The following SAMTOR variants were observed in gnomAD, a reference collection of about 807,000 sequenced individuals.
SAMTOR encodes S-adenosylmethionine sensor upstream of mTORC1.
At chr7:112,834,565 G>A in the SAMTOR span, among the ~76,000 whole-genome samples, 10 of 152,186 alleles carry the variant, frequency 6.6e-5, no homozygotes, top group East Asian at 7.7e-4. Flanking sequence ...TTTAAATTGC[G>A]TGACATTCTG....
the SAMTOR span, among the ~76,000 whole-genome samples, chr7:112,860,861 G>A: frequency 0.013 from 1,800 of 142,368 alleles, 40 homozygotes; most frequent in African/African-American, 0.045. Context: ...GCAGTGAGCC[G>A]AGATTATGCC....
chr7:112,841,302 G>A, the SAMTOR span, among the ~76,000 whole-genome samples: 8 of 151,994 alleles, frequency 5.3e-5, no homozygotes, highest in Admixed American at 3.9e-4. Context: ...CAAACAGAAA[G>A]CCAAATCATG....
the SAMTOR span, among the ~76,000 whole-genome samples, chr7:112,839,935 A>T: frequency 6.6e-6 from 1 of 151,868 alleles, no homozygotes; most frequent in Non-Finnish European, 1.5e-5. Flanking sequence ...TATCTCTCAT[A>T]AGAGCATAAA....
chr7:112,939,841 G>A, the SAMTOR span: 64 of 1,025,870 alleles, frequency 6.2e-5, no homozygotes, highest in East Asian at 1.4e-3. Flanking sequence ...AGCTGCGGAG[G>A]CAGCAGCCAG....
At chr7:112,893,842 C>T in the SAMTOR span, among the ~76,000 whole-genome samples, 1 of 152,230 alleles carries the variant, frequency 6.6e-6, no homozygotes, top group Non-Finnish European at 1.5e-5. Flanking sequence ...GCGGAGCTTG[C>T]AGTGAGCTGA....
At chr7:112,937,686 C>T in the SAMTOR span, among the ~76,000 whole-genome samples, 1 of 149,988 alleles carries the variant, frequency 6.7e-6, no homozygotes, top group Non-Finnish European at 1.5e-5. Context: ...TCTAGATCAC[C>T]GGTGAAATTC....
chr7:112,937,553 T>C, the SAMTOR span, among the ~76,000 whole-genome samples: 1 of 151,834 alleles, frequency 6.6e-6, no homozygotes, highest in Non-Finnish European at 1.5e-5. Context: ...GATGACTTTT[T>C]TACTACTAAT....
the SAMTOR span, among the ~76,000 whole-genome samples, chr7:112,829,568 A>G: frequency 1.3e-5 from 2 of 151,982 alleles, no homozygotes; most frequent in African/African-American, 4.8e-5. Context: ...GCATGGCTGT[A>G]ATTTTTTTTG....
At chr7:112,892,287 T>C in the SAMTOR span, among the ~76,000 whole-genome samples, 16 of 152,302 alleles carry the variant, frequency 1.1e-4, no homozygotes, top group Admixed American at 8.5e-4. Flanking sequence ...ATTTCATCCA[T>C]GAGGCTTGGA....
the SAMTOR span, among the ~76,000 whole-genome samples, chr7:112,905,326 T>C: frequency 2.6e-5 from 4 of 152,218 alleles, no homozygotes; most frequent in South Asian, 6.2e-4. Context: ...TTCAATGGCA[T>C]TGATCACTCC....
the SAMTOR span, among the ~76,000 whole-genome samples, chr7:112,879,998 C>T: frequency 6.6e-6 from 1 of 152,066 alleles, no homozygotes; most frequent in African/African-American, 2.4e-5. Context: ...ACATAATATA[C>T]AGAACTACAT....
chr7:112,935,753 T>C, the SAMTOR span, among the ~76,000 whole-genome samples: 2 of 152,192 alleles, frequency 1.3e-5, no homozygotes, highest in African/African-American at 2.4e-5. Context: ...GAATGAAAAG[T>C]GTACTTTTAC....
At chr7:112,865,603 T>A in the SAMTOR span, among the ~76,000 whole-genome samples, 2 of 147,364 alleles carry the variant, frequency 1.4e-5, no homozygotes, top group Admixed American at 6.8e-5. Flanking sequence ...ATATATATAT[T>A]TCATATATAT....
At chr7:112,844,032 T>A in the SAMTOR span, among the ~76,000 whole-genome samples, 1 of 152,074 alleles carries the variant, frequency 6.6e-6, no homozygotes, top group Non-Finnish European at 1.5e-5. Context: ...AAAAACCACA[T>A]GATCATCTCA....
chr7:112,848,899 A>G, the SAMTOR span, among the ~76,000 whole-genome samples: 12,965 of 152,204 alleles, frequency 0.085, 790 homozygotes, highest in Admixed American at 0.14. Context: ...AATACCAAAA[A>G]TTAGCTGGGC....
the SAMTOR span, among the ~76,000 whole-genome samples, chr7:112,896,895 C>A: frequency 6.6e-6 from 1 of 152,058 alleles, no homozygotes; most frequent in African/African-American, 2.4e-5. Context: ...GCAGAAAGGA[C>A]AGCATAAGCA....
the SAMTOR span, among the ~76,000 whole-genome samples, chr7:112,868,544 G>A: frequency 6.6e-6 from 1 of 152,152 alleles, no homozygotes; most frequent in Admixed American, 6.5e-5. Context: ...GGTAGTGTGG[G>A]GAAAGGCTAA....
the SAMTOR span, among the ~76,000 whole-genome samples, chr7:112,827,946 C>T: frequency 6.6e-6 from 1 of 152,176 alleles, no homozygotes; most frequent in South Asian, 2.1e-4. Flanking sequence ...AGCTCCTGGG[C>T]TCAAGCAGTC....
chr7:112,859,934 G>A, the SAMTOR span, among the ~76,000 whole-genome samples: 1 of 152,104 alleles, frequency 6.6e-6, no homozygotes, highest in Non-Finnish European at 1.5e-5. Flanking sequence ...AAAGTCTATA[G>A]TAGTATACAG....
Sources: allele counts gnomAD v4.1 joint callset (sites outside exome capture counted in the v4.1 genomes callset), GRCh38; gene constraint gnomAD v4.1.1; transcripts MANE v1.5; gene names NCBI Gene and HGNC (gene_info 2026-07-23, HGNC 2026-07-21).